Variants in EPHX4 observed in about 807,000 individuals in gnomAD.
EPHX4 encodes abhydrolase domain containing 7.
A neutral mutation model predicts 44.9 loss-of-function variants in EPHX4; 31 were observed. The ratio of observed to expected loss-of-function variants is 0.69; its 90% confidence interval spans 0.52 to 0.93. The LOEUF is 0.93. EPHX4 is among the 40% of genes least tolerant of loss of function. The probability of loss-of-function intolerance (pLI) is 0.00; values close to 1 mark genes in which losing one functional copy is unlikely to be tolerated. For missense variants in EPHX4, 373 were observed against 438.1 expected (o/e 0.85, Z 1.33); for synonymous variants, 151 against 159.7 (o/e 0.95, Z 0.41).
chr1:92,056,085 C>G (rs77691856), intron 6 of EPHX4, among the ~76,000 whole-genome samples: 24 of 152,098 alleles, frequency 1.6e-4, no homozygotes, highest in African/African-American at 5.3e-4. Flanking sequence ...GAGTTTTAAA[C>G]TAGTTGGTTG....
At chr1:92,046,087 C>G (rs867165627) in intron 4 of EPHX4, among the ~76,000 whole-genome samples, 1 of 151,948 alleles carries the variant, frequency 6.6e-6, no homozygotes, top group African/African-American at 2.4e-5. Context: ...TATTAAAGAC[C>G]CCATTGAGCT....
At chr1:92,050,448 G>GTAT (rs747226029) in intron 5 of EPHX4, 28 bp downstream of exon 5, 52 of 1,140,806 alleles carry the variant, frequency 4.6e-5, no homozygotes, top group African/African-American at 2.2e-4. Flanking sequence ...AACAAATAAT[G>GTAT]TATTATTATT....
intron 2 of EPHX4, among the ~76,000 whole-genome samples, chr1:92,041,431 C>T (rs561411669): frequency 1.2e-4 from 19 of 152,048 alleles, no homozygotes; most frequent in Admixed American, 5.9e-4. Context: ...AAAACTTTGA[C>T]CCTATTTGAC....
intron 2 of EPHX4, among the ~76,000 whole-genome samples, chr1:92,034,852 C>T (rs908251234): frequency 3.3e-5 from 5 of 152,020 alleles, no homozygotes; most frequent in African/African-American, 2.4e-5. Flanking sequence ...TTAAACAGGC[C>T]AGGCTGGTCT....
Position 92,063,287 on chromosome 1 carries a change from C to T in EPHX4, c.*1C>T. 6.3e-7 allele frequency: 1 copy of T among 1,575,580 alleles called. No homozygotes were observed. Among genetic ancestry groups the T allele is most frequent in the Non-Finnish European group, 8.7e-7 (1 of 1,155,470 alleles). On this transcript the variant is annotated 3_prime_UTR_variant, in exon 7 of 7. Transcript: ENST00000370383. ...AGAAGAAACAAGAAAAAAAGATTGA[C>T]TTTTCTTTATCTTCTATGAAGGGTC...
intron 2 of EPHX4, among the ~76,000 whole-genome samples, chr1:92,035,482 T>G (rs1281928602): frequency 6.6e-6 from 1 of 152,230 alleles, no homozygotes; most frequent in Non-Finnish European, 1.5e-5. Context: ...GAATATTCAG[T>G]AAATACTCAT....
chr1:92,040,596 A>G (rs556312406), intron 2 of EPHX4, among the ~76,000 whole-genome samples: 2 of 152,268 alleles, frequency 1.3e-5, no homozygotes, highest in Admixed American at 1.3e-4. Flanking sequence ...AAGTGCTGGC[A>G]TTACAGGCGT....
At chr1:92,035,354 A>T (rs932518278) in intron 2 of EPHX4, among the ~76,000 whole-genome samples, 4 of 152,218 alleles carry the variant, frequency 2.6e-5, no homozygotes, top group Non-Finnish European at 1.5e-5. Context: ...TGGGCAGTAC[A>T]TTCTGGCTCA....
rs1313101329 is a variant in EPHX4, at chr1:92,063,463, A to T, written c.*177A>T. The T allele has an allele frequency of 2.0e-6, 1 of 500,062 alleles. No individual in the cohort carries two copies. Among genetic ancestry groups the T allele is most frequent in the Non-Finnish European group, 3.5e-6 (1 of 287,194 alleles). The allele number at this position is 500,062 out of a possible 1,614,324, so 31.0% of individuals were successfully genotyped here. A position where few individuals can be genotyped will look rare whatever the true frequency, so the allele number is the denominator to read the frequency against. ...CTGAGATCATGTGAACATATAATAC[A>T]ATGTTGATTTTCTTCTGGTGTATTT... On this transcript the variant is annotated 3_prime_UTR_variant, in exon 7 of 7. Coordinates refer to ENST00000370383, the MANE Select transcript of EPHX4 (RefSeq NM_173567.5).
At chr1:92,039,339 A>G (rs1688480503) in intron 2 of EPHX4, among the ~76,000 whole-genome samples, 1 of 152,238 alleles carries the variant, frequency 6.6e-6, no homozygotes, top group Non-Finnish European at 1.5e-5. Flanking sequence ...GCTGCTGCCT[A>G]AATGGAGGCC....
At chr1:92,032,234 A>G (rs1688371371) in intron 1 of EPHX4, among the ~76,000 whole-genome samples, 1 of 152,208 alleles carries the variant, frequency 6.6e-6, no homozygotes, top group Admixed American at 6.5e-5. Flanking sequence ...CAAGAAGAGA[A>G]GGTACTGTCA....
chr1:92,051,387 G>T (rs1647249552), intron 5 of EPHX4, among the ~76,000 whole-genome samples: 1 of 151,966 alleles, frequency 6.6e-6, no homozygotes, highest in African/African-American at 2.4e-5. Context: ...AGGAACCAAA[G>T]TCTATACCTT....
At chr1:92,036,024 A>C (rs888167514) in intron 2 of EPHX4, among the ~76,000 whole-genome samples, 1 of 152,220 alleles carries the variant, frequency 6.6e-6, no homozygotes, top group African/African-American at 2.4e-5. Flanking sequence ...TTATACAAAC[A>C]TTCAAGAGGG....
intron 2 of EPHX4, among the ~76,000 whole-genome samples, chr1:92,035,531 A>G (rs185365642): frequency 6.6e-6 from 1 of 152,126 alleles, no homozygotes; most frequent in Admixed American, 6.5e-5. Flanking sequence ...GTGGAGATCC[A>G]TGTGTCAAAT....
chr1:92,063,237 A>G lies in EPHX4; in HGVS notation c.1040A>G (p.Asn347Ser), dbSNP rs1450233465. The change falls in exon 7 of 7, where the codon AAC becomes AGC. Residue 347 changes from asparagine (N) to serine (S), a missense_variant. Coordinates refer to ENST00000370383, the MANE Select transcript of EPHX4 (RefSeq NM_173567.5). ...CAGCAAGACCAACCTGACATAGTGA[A>G]CAAATTGATATGGACATTTCTAAAA... ...WLQQDQPDIV[N>S]KLIWTFLKEE... is the part of the protein sequence containing the mutation. 2 of 1,613,066 alleles carry G rather than the reference A, an allele frequency of 1.2e-6. No individual in the cohort carries two copies. The highest frequency in any genetic ancestry group is 2.2e-5 in the East Asian group (1 of 44,864).
intron 6 of EPHX4, among the ~76,000 whole-genome samples, chr1:92,059,233 C>T (rs946987632): frequency 1.3e-5 from 2 of 152,070 alleles, no homozygotes; most frequent in East Asian, 1.9e-4. Context: ...GCCAGGAGTC[C>T]GAGACCAGCC....
chr1:92,059,368 C>G (rs1250736394), intron 6 of EPHX4, among the ~76,000 whole-genome samples: 1 of 151,988 alleles, frequency 6.6e-6, no homozygotes, highest in South Asian at 2.1e-4. Context: ...ACCCAGGAGG[C>G]AGAGATTGCG....
At chr1:92,034,299 C>CT (rs1688405101) in intron 2 of EPHX4, among the ~76,000 whole-genome samples, 1 of 52,748 alleles carries the variant, frequency 1.9e-5, no homozygotes, top group East Asian at 8.2e-4. Flanking sequence ...GATTCCGTCT[C>CT]AAAAAAAAAA....
At chr1:92,051,450 T>C (rs1327711088) in intron 5 of EPHX4, among the ~76,000 whole-genome samples, 1 of 152,194 alleles carries the variant, frequency 6.6e-6, no homozygotes, top group East Asian at 1.9e-4. Flanking sequence ...CTTTCTTTTT[T>C]TTCTAATTTT....
Sources: gnomAD v4.1 joint callset for allele counts (sites outside exome capture counted in the v4.1 genomes callset) on GRCh38, gnomAD v4.1.1 for gene constraint, MANE v1.5 for transcripts, NCBI Gene and HGNC (gene_info 2026-07-23, HGNC 2026-07-21) for gene names.